PRKCH: variants seen among roughly 807,000 people sequenced by gnomAD.
The protein encoded by PRKCH is protein kinase C eta.
Under a neutral mutation model 82.5 loss-of-function variants are expected in PRKCH, and 28 were observed. The observed-to-expected ratio is 0.34, with a 90% confidence interval of 0.25 to 0.47. The LOEUF is 0.47. PRKCH is among the 20% of genes least tolerant of loss of function. The probability of loss-of-function intolerance (pLI) is 1.00; values close to 1 mark genes in which losing one functional copy is unlikely to be tolerated. For synonymous variants in PRKCH, 322 were observed against 327.4 expected (o/e 0.98, Z 0.18); for missense variants, 705 against 881.8 (o/e 0.80, Z 2.54).
intron 12 of PRKCH, among the ~76,000 whole-genome samples, chr14:61,533,497 C>T (rs1468485136): frequency 1.3e-5 from 2 of 152,210 alleles, no homozygotes; most frequent in African/African-American, 2.4e-5. Flanking sequence ...TGAGGAGACA[C>T]ACTGAGGAGG....
chr14:61,444,935 A>G (rs1413697857), intron 3 of PRKCH, among the ~76,000 whole-genome samples: 1 of 152,242 alleles, frequency 6.6e-6, no homozygotes, highest in Non-Finnish European at 1.5e-5. Context: ...ACTGTGGCTC[A>G]AAGCATCAGG....
chr14:61,199,707 T>C (rs1046147320), intron 1 of PRKCH, among the ~76,000 whole-genome samples: 11 of 152,252 alleles, frequency 7.2e-5, no homozygotes, highest in Non-Finnish European at 1.2e-4. Flanking sequence ...ATTCGCATTG[T>C]TGGAAAGCGT....
In PRKCH at chr14:61,549,884, T is replaced by C; in HGVS notation, c.*53T>C. The C allele has an allele frequency of 1.9e-6, 3 of 1,572,054 alleles. No individual in the cohort carries two copies. The highest frequency in any genetic ancestry group is 2.6e-6 in the Non-Finnish European group (3 of 1,157,566). ...GAGAACCCAAAGGGAATAGAGATTC[T>C]CCAGGAATTTCCTCTATGGGACCTT... On this transcript the variant is annotated 3_prime_UTR_variant, in exon 14 of 14. Coordinates refer to ENST00000332981, the MANE Select transcript of PRKCH (RefSeq NM_006255.5).
chr14:61,311,122 G>A lies in PRKCH; in HGVS notation c.-19+123454G>A, dbSNP rs150726737. On this transcript the variant is annotated intron_variant, in intron 1 of 3. Transcript: ENST00000555185. Reference sequence around the variant, plus strand: ...CTGTGGTGGGAGGGGCTGCTGCCAAGATCTCTGTGACATGCCCTGGAGACA... The same window carrying A: ...CTGTGGTGGGAGGGGCTGCTGCCAAAATCTCTGTGACATGCCCTGGAGACA... Among the ~76,000 whole-genome samples, 1,067 of 152,342 alleles carry A rather than the reference G, an allele frequency of 7.0e-3. 42 individuals are homozygous for A. The East Asian group carries it at 0.096, about 14-fold the overall frequency.
At chr14:61,211,994 G>T (rs1201344813) in intron 1 of PRKCH, among the ~76,000 whole-genome samples, 1 of 152,142 alleles carries the variant, frequency 6.6e-6, no homozygotes, top group African/African-American at 2.4e-5. Context: ...CAGCACCAGA[G>T]ATTTTTTCCA....
chr14:61,189,601 C>T (rs901936613), intron 1 of PRKCH, among the ~76,000 whole-genome samples: 2 of 151,798 alleles, frequency 1.3e-5, no homozygotes, highest in African/African-American at 4.8e-5. Context: ...TCCCTCCCTC[C>T]TTCCCTTCCC....
intron 1 of PRKCH, among the ~76,000 whole-genome samples, chr14:61,389,604 G>A (rs1358338565): frequency 6.6e-6 from 1 of 151,984 alleles, no homozygotes; most frequent in African/African-American, 2.4e-5. Flanking sequence ...GGGAGGCTGA[G>A]GCAGGAGAAT....
At chr14:61,514,314 TAAAAAAA>T (rs546556676) in intron 10 of PRKCH, among the ~76,000 whole-genome samples, 2 of 132,132 alleles carry the variant, frequency 1.5e-5, no homozygotes, top group African/African-American at 2.9e-5. Flanking sequence ...TCTTCTCCTT[TAAAAAAA>T]AAAAAAAAAA....
At chr14:61,370,167 T>C (rs1333329996) in intron 1 of PRKCH, among the ~76,000 whole-genome samples, 1 of 152,080 alleles carries the variant, frequency 6.6e-6, no homozygotes, top group Non-Finnish European at 1.5e-5. Context: ...TGCCTCGAAC[T>C]CCTGACCTCA....
At chr14:61,549,171 C>T (rs1288169768) in intron 13 of PRKCH, among the ~76,000 whole-genome samples, 1 of 152,132 alleles carries the variant, frequency 6.6e-6, no homozygotes, top group South Asian at 2.1e-4. Context: ...CAGGGCGTAA[C>T]GCATCTACCT....
At chr14:61,537,352 TA>T (rs1335702595) in intron 12 of PRKCH, among the ~76,000 whole-genome samples, 1 of 152,246 alleles carries the variant, frequency 6.6e-6, no homozygotes, top group Non-Finnish European at 1.5e-5. Context: ...TGTTATTTCT[TA>T]ATTTTTTTTA....
chr14:61,468,515 C>G (rs1020813836), intron 9 of PRKCH, among the ~76,000 whole-genome samples: 3 of 152,272 alleles, frequency 2.0e-5, no homozygotes, highest in Admixed American at 1.3e-4. Context: ...TTGCTTCTGT[C>G]CTCTCCGGCT....
chr14:61,544,865 G>A (rs913796718), intron 12 of PRKCH, among the ~76,000 whole-genome samples: 1 of 152,220 alleles, frequency 6.6e-6, no homozygotes, highest in East Asian at 1.9e-4. Flanking sequence ...TCCCATTCCC[G>A]GCAGTTAGTG....
intron 1 of PRKCH, among the ~76,000 whole-genome samples, chr14:61,390,468 C>T (rs191824030): frequency 5.9e-5 from 9 of 152,122 alleles, no homozygotes; most frequent in South Asian, 2.1e-4. Flanking sequence ...GTCAGGAGTT[C>T]GAGACCAGCC....
At chr14:61,356,286 C>T (rs1470199092) in intron 1 of PRKCH, among the ~76,000 whole-genome samples, 1 of 152,124 alleles carries the variant, frequency 6.6e-6, no homozygotes, top group East Asian at 1.9e-4. Flanking sequence ...AAGTGGATGT[C>T]CTGTGCTGTG....
At chr14:61,455,456 G>GGTGAAAAAATGTATTTGAAACCTATTAT (rs1884722282) in intron 7 of PRKCH, among the ~76,000 whole-genome samples, 1 of 152,064 alleles carries the variant, frequency 6.6e-6, no homozygotes, top group Non-Finnish European at 1.5e-5. Context: ...ATCAAATCAT[G>GGTGAAAAAATGTATTTGAAACCTATTAT]GTGAAAAAAT....
intron 10 of PRKCH, among the ~76,000 whole-genome samples, chr14:61,495,454 A>C (rs1413810706): frequency 6.6e-6 from 1 of 152,226 alleles, no homozygotes; most frequent in Non-Finnish European, 1.5e-5. Context: ...ATTACAGAGA[A>C]TCTTGGATTT....
chr14:61,449,081 G>T lies in PRKCH; in HGVS notation c.614-83G>T, dbSNP rs1462006778. The T allele has an allele frequency of 3.8e-6, 5 of 1,302,122 alleles. No individual in the cohort carries two copies. The East Asian group carries it at 1.2e-4, about 31-fold the overall frequency. 80.7% of individuals were successfully genotyped at this position (1,302,122 alleles called of 1,614,324 possible). ...CAGACGAGTCCAGTCTTGTTGGCAC[G>T]GTGCAGCCCTGGTTGACTCTGCTGT... is the stretch of plus-strand genomic sequence containing the variant. On this transcript the variant is annotated intron_variant, in intron 4 of 13. Coordinates refer to ENST00000332981, the MANE Select transcript of PRKCH (RefSeq NM_006255.5).
chr14:61,212,582 C>T (rs939233502), intron 1 of PRKCH, among the ~76,000 whole-genome samples: 4 of 152,260 alleles, frequency 2.6e-5, no homozygotes, highest in Admixed American at 1.3e-4. Context: ...TCCTTATATC[C>T]ATCTAAGTAT....
Sources: gnomAD v4.1 joint callset for allele counts (sites outside exome capture counted in the v4.1 genomes callset) on GRCh38, gnomAD v4.1.1 for gene constraint, MANE v1.5 for transcripts, NCBI Gene and HGNC (gene_info 2026-07-23, HGNC 2026-07-21) for gene names.